The following BRDT variants were observed in gnomAD, a reference collection of about 807,000 sequenced individuals.
The protein encoded by BRDT is bromodomain testis-specific protein.
In BRDT, 77 loss-of-function variants were observed where a neutral mutation model predicts 113.9. The ratio of observed to expected loss-of-function variants is 0.68; its 90% CI spans 0.56 to 0.82. BRDT has a LOEUF of 0.82. BRDT is among the 40% of genes least tolerant of loss of function. The pLI is 0.00. For missense variants in BRDT, 1,027 were observed against 1,105.4 expected (o/e 0.93, Z 1.01); for synonymous variants, 358 against 366.5 (o/e 0.98, Z 0.26).
At chr1:92,000,327 C>A (rs1298297961) in intron 15 of BRDT, among the ~76,000 whole-genome samples, 2 of 152,220 alleles carry the variant, frequency 1.3e-5, no homozygotes, top group African/African-American at 4.8e-5. Flanking sequence ...TGACAGGAAG[C>A]AGAGAAGGGA....
chr1:91,949,433 A>G lies in BRDT; in HGVS notation c.-287A>G, dbSNP rs1489947906. 6.6e-6 allele frequency: 1 copy of G among 152,272 alleles called. No individual in the cohort carries two copies. The highest frequency in any genetic ancestry group is 1.5e-5 in the Non-Finnish European group (1 of 68,084). 9.4% of individuals were successfully genotyped at this position (152,272 alleles called of 1,614,324 possible). On this transcript the variant is annotated 5_prime_UTR_variant, in exon 1 of 19. Coordinates refer to ENST00000399546, the MANE Select transcript of BRDT (RefSeq NM_207189.4). ...AAACTGGCGGCGAGGAACTGCGGAGAACTGTTGCCCTGCACCGCTTCATTT... is the reference window on the plus strand; with the variant it reads ...AAACTGGCGGCGAGGAACTGCGGAGGACTGTTGCCCTGCACCGCTTCATTT...
Position 91,964,867 on chromosome 1 carries a change from G to C in BRDT, c.330+103G>C, listed in dbSNP as rs901653349. 9.8e-6 allele frequency: 8 copies of C among 814,192 alleles called. No homozygotes were observed. In the African/African-American group the frequency reaches 1.4e-4, roughly 14 times the overall value. The allele number at this position is 814,192 out of a possible 1,614,324, so 50.4% of individuals were successfully genotyped here. A position where few individuals can be genotyped will look rare whatever the true frequency, so the allele number is the denominator to read the frequency against. On this transcript the variant is annotated intron_variant, in intron 3 of 18. Coordinates refer to ENST00000399546, the MANE Select transcript of BRDT (RefSeq NM_207189.4). ...TTTCAGATTTCAATTCTCTTCGTTT[G>C]AGATACTTGACGTGTGTGTGTGTGT... is the stretch of plus-strand genomic sequence containing the variant.
chr1:91,952,832 A>T (rs956735483), intron 1 of BRDT, among the ~76,000 whole-genome samples: 3 of 143,876 alleles, frequency 2.1e-5, no homozygotes, highest in African/African-American at 5.1e-5. Flanking sequence ...GTGATGGGGG[A>T]GTGTTATCTA....
Position 92,004,452 on chromosome 1 carries a change from A to C in BRDT, c.2427A>C (p.Leu809Phe), listed in dbSNP as rs1687113894. The change falls in exon 17 of 19, where the codon TTA (leucine) becomes TTC (phenylalanine). Residue 809 changes from leucine to phenylalanine, a missense_variant. Transcript: ENST00000399546. ...KIKNADSWKSLGKPVKPSGVM... is the reference protein window; with the variant it reads ...KIKNADSWKSFGKPVKPSGVM... ...AGAATGCAGATTCATGGAAAAGTTT[A>C]GGCAAACCAGTGAAACCATCAGGTG... 8 of 1,610,374 alleles carry C rather than the reference A, an allele frequency of 5.0e-6. No homozygotes were observed. The highest frequency in any genetic ancestry group is 6.8e-6 in the Non-Finnish European group (8 of 1,179,108).
At chr1:91,969,032 A>G (rs140794176) in intron 4 of BRDT, among the ~76,000 whole-genome samples, 3,474 of 151,764 alleles carry the variant, frequency 0.023, 71 homozygotes, top group Non-Finnish European at 0.033. Context: ...TGCCTCCCAG[A>G]TTCAAGCCAT....
chr1:91,957,348 C>G (rs1202929651), intron 1 of BRDT, among the ~76,000 whole-genome samples: 2 of 152,092 alleles, frequency 1.3e-5, no homozygotes, highest in Non-Finnish European at 2.9e-5. Context: ...AAAAAACTAG[C>G]TGGGTGTGGT....
At chr1:91,992,430 A>C (rs1685881291) in intron 14 of BRDT, 116 bp downstream of exon 14, 4 of 564,782 alleles carry the variant, frequency 7.1e-6, no homozygotes, top group Non-Finnish European at 5.9e-6. Flanking sequence ...AAAAAAAAAA[A>C]CCACAGCAAG....
chr1:92,007,188 TTCTC>T (rs1438329913), intron 18 of BRDT, among the ~76,000 whole-genome samples: 3 of 152,186 alleles, frequency 2.0e-5, no homozygotes, highest in South Asian at 2.1e-4. Flanking sequence ...CCTGTCTTTC[TTCTC>T]TCTCTCTTTT....
Position 91,968,352 on chromosome 1 carries a change from A to T in BRDT, c.445+92A>T, listed in dbSNP as rs988981232. 2.2e-5 allele frequency: 32 copies of T among 1,485,056 alleles called. No individual in the cohort carries two copies. The Admixed American group carries it at 2.6e-4, about 12-fold the overall frequency. 92.0% of individuals were successfully genotyped at this position (1,485,056 alleles called of 1,614,324 possible). On this transcript the variant is annotated intron_variant, in intron 4 of 18. Transcript: ENST00000399546. ...TGTAAATCCCTCAAAGGAGACAGAC[A>T]TCCAGAAGTCCTACATCCTATTCTA...
intron 1 of BRDT, among the ~76,000 whole-genome samples, chr1:91,955,886 T>A (rs1681713583): frequency 6.6e-6 from 1 of 152,238 alleles, no homozygotes; most frequent in Non-Finnish European, 1.5e-5. Context: ...TATTTGTTAA[T>A]GTTTGGTGCA....
chr1:91,969,572 A>G (rs1683408667), intron 4 of BRDT, among the ~76,000 whole-genome samples: 2 of 152,136 alleles, frequency 1.3e-5, no homozygotes, highest in East Asian at 3.8e-4. Flanking sequence ...GGTAGATAAT[A>G]CATAGATTAG....
At position 91,995,403 on chromosome 1, in the gene BRDT, CTGTGTGTGTGTGTGTGTGTGTGTGTGTG is replaced by C. The variant is rs200254179; in HGVS notation, c.2287+1177_2287+1204del. Among the ~76,000 whole-genome samples, 289 of 146,612 alleles carry C rather than the reference CTGTGTGTGTGTGTGTGTGTGTGTGTGTG, an allele frequency of 2.0e-3. 1 individual carries two copies. Among genetic ancestry groups the C allele is most frequent in the African/African-American group, 3.7e-3 (145 of 38,844 alleles). The stretch of plus-strand genomic sequence containing the variant: ...TTCAGTTTAAAATCTCCCTACTATT[CTGTGTGTGTGTGTGTGTGTGTGTGTGTG>C]TGTGTGTGTGTGTGTGTGTGTGTGT... On this transcript the variant is annotated intron_variant, in intron 15 of 18. Coordinates refer to ENST00000399546, the MANE Select transcript of BRDT (RefSeq NM_207189.4).
intron 1 of BRDT, among the ~76,000 whole-genome samples, chr1:91,959,606 G>A (rs1199280046): frequency 6.6e-6 from 1 of 151,668 alleles, no homozygotes; most frequent in Non-Finnish European, 1.5e-5. Context: ...TCAGCCTCCC[G>A]AGTAGCTGGG....
At chr1:91,974,206 A>T (rs1683898298) in intron 4 of BRDT, among the ~76,000 whole-genome samples, 1 of 152,234 alleles carries the variant, frequency 6.6e-6, no homozygotes, top group Non-Finnish European at 1.5e-5. Flanking sequence ...AGGCAATACC[A>T]TTCAGAACAT....
At chr1:91,988,389 A>AT (rs987930663) in intron 12 of BRDT, among the ~76,000 whole-genome samples, 2 of 151,636 alleles carry the variant, frequency 1.3e-5, no homozygotes, top group African/African-American at 4.8e-5. Flanking sequence ...TATCGATTTT[A>AT]TTTTTATTTA....
At chr1:92,009,204 G>A (rs1687588845) in intron 18 of BRDT, among the ~76,000 whole-genome samples, 1 of 152,116 alleles carries the variant, frequency 6.6e-6, no homozygotes, top group African/African-American at 2.4e-5. Context: ...AGATAAGTGA[G>A]ATCATGCAGT....
At chr1:91,991,844 T>C (rs1685783420) in intron 13 of BRDT, among the ~76,000 whole-genome samples, 1 of 70,604 alleles carries the variant, frequency 1.4e-5, no homozygotes, top group Non-Finnish European at 4.0e-5. Flanking sequence ...TACAAAAAAT[T>C]AGCCGGGCAT....
chr1:91,951,184 C>T (rs566620166), intron 1 of BRDT, among the ~76,000 whole-genome samples: 4 of 152,100 alleles, frequency 2.6e-5, no homozygotes, highest in African/African-American at 4.8e-5. Flanking sequence ...TGTCGCTGAC[C>T]GTGTTGGGAA....
chr1:91,985,174 C>A (rs997240727), intron 12 of BRDT, among the ~76,000 whole-genome samples: 5 of 152,118 alleles, frequency 3.3e-5, no homozygotes, highest in Non-Finnish European at 5.9e-5. Context: ...CTCCGACTCC[C>A]GGGTTCAAGC....
Sources: gnomAD v4.1 joint callset for allele counts (sites outside exome capture counted in the v4.1 genomes callset) on GRCh38, gnomAD v4.1.1 for gene constraint, MANE v1.5 for transcripts, NCBI Gene and HGNC (gene_info 2026-07-23, HGNC 2026-07-21) for gene names.